Variants in NRG3 observed in about 807,000 individuals in gnomAD.
NRG3 encodes pro-neuregulin-3, membrane-bound isoform.
In NRG3, 31 loss-of-function variants were observed where a neutral mutation model predicts 66.9. The observed-to-expected ratio is 0.46, with a 90% CI of 0.35 to 0.63. NRG3 has a LOEUF of 0.63. NRG3 is among the 20% of genes least tolerant of loss of function. NRG3 has a pLI of 0.00. For synonymous variants in NRG3, 393 were observed against 359.4 expected, an observed-to-expected ratio of 1.09 and a Z score of -1.06; for missense variants, 910 against 878.9, an observed-to-expected ratio of 1.04 and a Z score of -0.45.
rs568775520 is a variant in NRG3 at position 82,037,235 on chromosome 10, G to A, written c.823+161072G>A. 2.9e-4 allele frequency among the ~76,000 whole-genome samples: 44 copies of A among 152,250 alleles called. 1 individual carries two copies. Among genetic ancestry groups the A allele is most frequent in the African/African-American group, 1.1e-3 (44 of 41,580 alleles). ...CTGGCTGCACTCCAGAGAACTATGA[G>A]CACTGCCAGACAGCCCCCTGGCACT... On this transcript the variant is annotated intron_variant, in intron 1 of 8. Transcript: ENST00000372141.
At chr10:82,018,111 G>C (rs367999186) in intron 1 of NRG3, among the ~76,000 whole-genome samples, 1 of 152,028 alleles carries the variant, frequency 6.6e-6, no homozygotes, top group African/African-American at 2.4e-5. Flanking sequence ...TAATTTTTGT[G>C]TAAGGTGTAA....
At chr10:82,469,600 G>A (rs1418786918) in intron 2 of NRG3, among the ~76,000 whole-genome samples, 2 of 152,164 alleles carry the variant, frequency 1.3e-5, no homozygotes, top group African/African-American at 2.4e-5. Flanking sequence ...AATAGGAGTG[G>A]GTATGCATGG....
intron 2 of NRG3, among the ~76,000 whole-genome samples, chr10:82,682,360 T>C (rs1293687131): frequency 6.6e-6 from 1 of 151,680 alleles, no homozygotes; most frequent in East Asian, 1.9e-4. Context: ...AAAGATAAGA[T>C]AGATGGATAG....
At chr10:82,236,031 C>G (rs990372611) in intron 1 of NRG3, among the ~76,000 whole-genome samples, 2 of 152,026 alleles carry the variant, frequency 1.3e-5, no homozygotes, top group African/African-American at 4.8e-5. Flanking sequence ...CATACACACA[C>G]ACACCCCTCA....
chr10:82,510,618 A>G (rs897231007), intron 2 of NRG3, among the ~76,000 whole-genome samples: 1 of 152,240 alleles, frequency 6.6e-6, no homozygotes, highest in Non-Finnish European at 1.5e-5. Context: ...CAAGGGGCAG[A>G]ATGGTTATAC....
chr10:82,096,331 C>T (rs1171552707), intron 1 of NRG3, among the ~76,000 whole-genome samples: 2 of 152,060 alleles, frequency 1.3e-5, no homozygotes, highest in African/African-American at 2.4e-5. Flanking sequence ...AACAAATTAG[C>T]TGGGCATGGT....
At chr10:82,291,155 A>AGC (rs1554875885) in intron 1 of NRG3, among the ~76,000 whole-genome samples, 26 of 150,372 alleles carry the variant, frequency 1.7e-4, no homozygotes, top group African/African-American at 6.1e-4. Context: ...CAAGATTAAC[A>AGC]ACACACACAC....
intron 2 of NRG3, among the ~76,000 whole-genome samples, chr10:82,557,062 C>T (rs947243928): frequency 2.6e-5 from 4 of 152,242 alleles, no homozygotes; most frequent in Admixed American, 2.6e-4. Flanking sequence ...GAGGTTGATT[C>T]CATGTCTTTG....
chr10:82,212,139 A>G (rs1379356048), intron 1 of NRG3, among the ~76,000 whole-genome samples: 3 of 152,146 alleles, frequency 2.0e-5, no homozygotes, highest in African/African-American at 7.2e-5. Context: ...GTTAGTTTGA[A>G]CCATGGGAAA....
At chr10:82,497,950 A>G (rs1843766034) in intron 2 of NRG3, among the ~76,000 whole-genome samples, 1 of 152,068 alleles carries the variant, frequency 6.6e-6, no homozygotes, top group African/African-American at 2.4e-5. Context: ...TTTTGAGATG[A>G]TACTGTGGTT....
chr10:82,179,057 C>T (rs2073233774), intron 1 of NRG3, among the ~76,000 whole-genome samples: 1 of 151,882 alleles, frequency 6.6e-6, no homozygotes, highest in Admixed American at 6.6e-5. Context: ...AATGTTTATT[C>T]AGGCCCTTTG....
chr10:82,352,805 G>A lies in NRG3; in HGVS notation c.824-5934G>A, dbSNP rs113656368. 7.3e-3 allele frequency among the ~76,000 whole-genome samples: 1,103 copies of A among 151,994 alleles called. 12 individuals are homozygous for A. The highest frequency in any genetic ancestry group is 0.022 in the African/African-American group (898 of 41,456). ...GGAGTGAGAGACACAGAGGGCTTGG[G>A]AAGATTTTGGTCTTCATCGTAAGAG... On this transcript the variant is annotated intron_variant, in intron 1 of 8. Coordinates refer to ENST00000372141, the MANE Select transcript of NRG3 (RefSeq NM_001010848.4).
At chr10:82,377,445 T>TGC (rs2085320846) in intron 2 of NRG3, among the ~76,000 whole-genome samples, 2 of 125,698 alleles carry the variant, frequency 1.6e-5, no homozygotes, top group Non-Finnish European at 3.1e-5. Context: ...CGTGTGTGTG[T>TGC]GTGTGTGTGT....
At chr10:82,630,045 C>T (rs1441734213) in intron 2 of NRG3, among the ~76,000 whole-genome samples, 1 of 152,084 alleles carries the variant, frequency 6.6e-6, no homozygotes, top group East Asian at 1.9e-4. Context: ...CCTTCTTCCC[C>T]AGCAATAAAA....
At chr10:82,255,184 A>G (rs2077659091) in intron 1 of NRG3, among the ~76,000 whole-genome samples, 1 of 152,210 alleles carries the variant, frequency 6.6e-6, no homozygotes. Flanking sequence ...TAATTGTGAG[A>G]AAAACACCAG....
chr10:81,987,070 G>A (rs574532162), intron 1 of NRG3, among the ~76,000 whole-genome samples: 3 of 139,566 alleles, frequency 2.1e-5, no homozygotes, highest in Non-Finnish European at 4.5e-5. Context: ...ATGCCATAGT[G>A]TGTGTGTGTG....
intron 1 of NRG3, among the ~76,000 whole-genome samples, chr10:82,209,431 G>C (rs967242028): frequency 2.0e-5 from 3 of 152,138 alleles, no homozygotes; most frequent in Non-Finnish European, 4.4e-5. Flanking sequence ...GGAAACTGTA[G>C]AGTTAACAAC....
intron 1 of NRG3, among the ~76,000 whole-genome samples, chr10:81,925,301 A>G (rs773378242): frequency 2.0e-5 from 3 of 152,212 alleles, no homozygotes; most frequent in Non-Finnish European, 2.9e-5. Context: ...GACTTTCATC[A>G]CTTTGTGCAA....
chr10:82,804,981 G>A (rs1197494286), intron 3 of NRG3, among the ~76,000 whole-genome samples: 1 of 152,186 alleles, frequency 6.6e-6, no homozygotes, highest in East Asian at 1.9e-4. Flanking sequence ...GGGGGTTAGA[G>A]CATCCCAAGT....
Sources: gnomAD v4.1 joint callset for allele counts (sites outside exome capture counted in the v4.1 genomes callset) on GRCh38, gnomAD v4.1.1 for gene constraint, MANE v1.5 for transcripts, NCBI Gene and HGNC (gene_info 2026-07-23, HGNC 2026-07-21) for gene names.